The following HDGFL3 variants were observed in gnomAD, a reference collection of about 807,000 sequenced individuals.
The protein encoded by HDGFL3 is hepatoma-derived growth factor-related protein 3.
A neutral mutation model predicts 27.6 loss-of-function variants in HDGFL3; 6 were observed. That is an observed-to-expected ratio of 0.22 (90% CI 0.12 to 0.43). HDGFL3 has a LOEUF of 0.43. Ranked by LOEUF, HDGFL3 falls within the 20% of genes least tolerant of loss-of-function variation. The pLI, the probability that HDGFL3 is intolerant of heterozygous loss-of-function variation, is 1.00. For synonymous variants in HDGFL3, 88 were observed against 88.9 expected, an observed-to-expected ratio of 0.99 and a Z score of 0.05; for missense variants, 207 against 250.1, an observed-to-expected ratio of 0.83 and a Z score of 1.16.
chr15:83,175,819 C>A (rs2037302830), intron 1 of HDGFL3, among the ~76,000 whole-genome samples: 1 of 152,150 alleles, frequency 6.6e-6, no homozygotes, highest in Non-Finnish European at 1.5e-5. Context: ...GAGATCAAGC[C>A]ACTGTACTCC....
At chr15:83,143,694 T>C (rs1015056433) in intron 5 of HDGFL3, among the ~76,000 whole-genome samples, 1 of 152,160 alleles carries the variant, frequency 6.6e-6, no homozygotes, top group African/African-American at 2.4e-5. Context: ...TGAAAGGCAT[T>C]GTATGACGGA....
rs2036384357 is a variant in HDGFL3 at position 83,133,331 on chromosome 15, AACACTCTTT to A, written c.*5930_*5938del. ...GCCTATAACATTCACATGGACATATAACACTCTTTCAGTTCCTCCTTGTGGAACCACGAT... is the reference window on the plus strand; with the variant it reads ...GCCTATAACATTCACATGGACATATACAGTTCCTCCTTGTGGAACCACGAT... On this transcript the variant is annotated 3_prime_UTR_variant, in exon 6 of 6. Coordinates refer to ENST00000299633, the MANE Select transcript of HDGFL3 (RefSeq NM_016073.4). 1 of 152,226 alleles carries A rather than the reference AACACTCTTT, an allele frequency of 6.6e-6. No individual in the cohort carries two copies. Among genetic ancestry groups the A allele is most frequent in the African/African-American group, 2.4e-5 (1 of 41,454 alleles). 9.4% of individuals were successfully genotyped at this position (152,226 alleles called of 1,614,324 possible). A position where few individuals can be genotyped will look rare whatever the true frequency, so the allele number is the denominator to read the frequency against.
At chr15:83,195,995 C>T (rs570447665) in intron 1 of HDGFL3, among the ~76,000 whole-genome samples, 5 of 151,812 alleles carry the variant, frequency 3.3e-5, no homozygotes, top group Non-Finnish European at 7.4e-5. Context: ...TTGACTCCAT[C>T]CTGAAGTTAC....
chr15:83,150,829 G>A (rs574793567), intron 5 of HDGFL3, among the ~76,000 whole-genome samples: 1 of 152,254 alleles, frequency 6.6e-6, no homozygotes, highest in Non-Finnish European at 1.5e-5. Flanking sequence ...CACTGCTTCT[G>A]GGAAAGAAGC....
Position 83,136,401 on chromosome 15 carries a change from A to T in HDGFL3, c.*2869T>A. 1 of 1,279,144 alleles carries T rather than the reference A, an allele frequency of 7.8e-7. No individual in the cohort carries two copies. The highest frequency in any genetic ancestry group is 2.7e-5 in the Admixed American group (1 of 36,810). The allele number at this position is 1,279,144 out of a possible 1,614,324, so 79.2% of individuals were successfully genotyped here. A position where few individuals can be genotyped will look rare whatever the true frequency, so the allele number is the denominator to read the frequency against. Reference sequence around the variant, plus strand: ...TTTGAGGGCACAGAAACGTAGCCTGAATGAACCATTCAGAACTCATCATGC... The same window carrying T: ...TTTGAGGGCACAGAAACGTAGCCTGTATGAACCATTCAGAACTCATCATGC... On this transcript the variant is annotated 3_prime_UTR_variant, in exon 6 of 6. Transcript: ENST00000299633.
At chr15:83,198,475 A>G (rs1038112763) in intron 1 of HDGFL3, among the ~76,000 whole-genome samples, 2 of 152,216 alleles carry the variant, frequency 1.3e-5, no homozygotes, top group African/African-American at 4.8e-5. Context: ...AATGTATCAC[A>G]TATAGTAAGT....
At chr15:83,197,794 G>A (rs1029395164) in intron 1 of HDGFL3, among the ~76,000 whole-genome samples, 9 of 152,186 alleles carry the variant, frequency 5.9e-5, no homozygotes, top group South Asian at 4.2e-4. Context: ...GGCCGGGCAC[G>A]GTGGCTCACG....
At chr15:83,176,581 C>G (rs1442616006) in intron 1 of HDGFL3, among the ~76,000 whole-genome samples, 2 of 152,074 alleles carry the variant, frequency 1.3e-5, no homozygotes, top group Non-Finnish European at 2.9e-5. Flanking sequence ...GAGTTTCATC[C>G]CTGGACCTTC....
Position 83,161,805 on chromosome 15 carries a change from T to G in HDGFL3, c.161+2194A>C, listed in dbSNP as rs190004381. Among the ~76,000 whole-genome samples, 9 of 152,340 alleles carry G rather than the reference T, an allele frequency of 5.9e-5. No homozygotes were observed. The East Asian group carries it at 9.6e-4, about 16-fold the overall frequency. On this transcript the variant is annotated intron_variant, in intron 2 of 5. Transcript: ENST00000299633. ...ATCAAATCCCCTCTCAATTGGTTAA[T>G]TGCTATATGTTTTAAAATTTTTTAA...
chr15:83,140,713 C>G (rs1405113095), intron 5 of HDGFL3, among the ~76,000 whole-genome samples: 1 of 152,108 alleles, frequency 6.6e-6, no homozygotes, highest in Non-Finnish European at 1.5e-5. Context: ...AACTCCTGAC[C>G]TTGTGATCTG....
chr15:83,157,684 A>G (rs758285862), intron 3 of HDGFL3, 111 bp from the exon 4 acceptor site: 24 of 1,154,622 alleles, frequency 2.1e-5, no homozygotes, highest in Non-Finnish European at 2.9e-5. Flanking sequence ...TACTCGGAAG[A>G]TTTTCAAAAA....
chr15:83,173,852 A>G (rs1414589055), intron 1 of HDGFL3, among the ~76,000 whole-genome samples: 1 of 152,172 alleles, frequency 6.6e-6, no homozygotes, highest in Admixed American at 6.5e-5. Flanking sequence ...TTATAGTTTA[A>G]AGAATAAGAA....
At chr15:83,153,138 T>A (rs1325583155) in intron 4 of HDGFL3, among the ~76,000 whole-genome samples, 1 of 151,968 alleles carries the variant, frequency 6.6e-6, no homozygotes, top group Non-Finnish European at 1.5e-5. Flanking sequence ...TAGCTGGGAC[T>A]ATAGGTACCT....
At chr15:83,118,278 A>AAG (rs955002232) in intron 3 of HDGFL3, among the ~76,000 whole-genome samples, 4 of 151,574 alleles carry the variant, frequency 2.6e-5, no homozygotes, top group Admixed American at 2.0e-4. Context: ...CAGAGAGAGC[A>AAG]AGAGAGAGAG....
In HDGFL3 at chr15:83,139,289, A is replaced by G; in HGVS notation, c.607-14T>C. 7.0e-7 allele frequency: 1 copy of G among 1,423,742 alleles called. No homozygotes were observed. The highest frequency in any genetic ancestry group is 9.4e-7 in the Non-Finnish European group (1 of 1,061,834). The allele number at this position is 1,423,742 out of a possible 1,614,324, so 88.2% of individuals were successfully genotyped here. A position where few individuals can be genotyped will look rare whatever the true frequency, so the allele number is the denominator to read the frequency against. On this transcript the variant is annotated splice_polypyrimidine_tract_variant and intron_variant, in intron 5 of 5. Coordinates refer to ENST00000299633, the MANE Select transcript of HDGFL3 (RefSeq NM_016073.4). ...TGGTAGTTAGGTCTGTAAAAAAAAA[A>G]AAAAGAAAGAAAACAAGCCTTTAGA...
chr15:83,126,729 T>C (rs2035783703), downstream of HDGFL3: 1 of 1,576,072 alleles, frequency 6.3e-7, no homozygotes, highest in South Asian at 1.1e-5. Context: ...ATTGTATTTT[T>C]ATAATGAGTT....
intron 1 of HDGFL3, 110 bp from the exon 2 acceptor site, chr15:83,164,185 T>G (rs1596554134): frequency 1.4e-6 from 1 of 720,516 alleles, no homozygotes; most frequent in South Asian, 2.0e-5. Flanking sequence ...AAAACTCAGA[T>G]AGTTTTTTAG....
intron 1 of HDGFL3, among the ~76,000 whole-genome samples, chr15:83,193,088 C>T (rs1049887683): frequency 5.8e-5 from 8 of 139,002 alleles, no homozygotes; most frequent in Admixed American, 2.7e-4. Flanking sequence ...TCCAGAGTCC[C>T]GTTCTCTGCT....
intron 1 of HDGFL3, among the ~76,000 whole-genome samples, chr15:83,203,152 A>C (rs957353154): frequency 6.6e-6 from 1 of 152,082 alleles, no homozygotes; most frequent in Non-Finnish European, 1.5e-5. Flanking sequence ...AAAGTGCTTT[A>C]GTTAAAGCAC....
Sources: gnomAD v4.1 joint callset for allele counts (sites outside exome capture counted in the v4.1 genomes callset) on GRCh38, gnomAD v4.1.1 for gene constraint, MANE v1.5 for transcripts, NCBI Gene and HGNC (gene_info 2026-07-23, HGNC 2026-07-21) for gene names.